UBAP1L: variants seen among roughly 807,000 people sequenced by gnomAD.
The protein encoded by UBAP1L is ubiquitin-associated protein 1-like.
In UBAP1L, 32 loss-of-function variants were observed where a neutral mutation model predicts 32.1. The observed-to-expected ratio is 1.00, with a 90% CI of 0.75 to 1.34. UBAP1L has a LOEUF of 1.34. Ranked by LOEUF, UBAP1L falls within the 40% of genes most tolerant of loss-of-function variation. The probability of loss-of-function intolerance (pLI) is 0.00; values close to 1 mark genes in which losing one functional copy is unlikely to be tolerated. For synonymous variants in UBAP1L, 243 were observed against 250.2 expected (o/e 0.97, Z 0.27); for missense variants, 516 against 540.5 (o/e 0.95, Z 0.45).
At chr15:65,109,862 T>G (rs1007286662) in intron 1 of UBAP1L, among the ~76,000 whole-genome samples, 1 of 152,198 alleles carries the variant, frequency 6.6e-6, no homozygotes, top group African/African-American at 2.4e-5. Flanking sequence ...TAACTCTCAT[T>G]CACTGTTGGT....
At chr15:65,099,860 C>G (rs1218199257) in intron 3 of UBAP1L, 146 bp from the exon 4 acceptor site, 1 of 661,554 alleles carries the variant, frequency 1.5e-6, no homozygotes, top group Non-Finnish European at 2.5e-6. Context: ...CCTGCAGACC[C>G]CAGCTCTCTA....
chr15:65,105,462 G>A, intron 2 of UBAP1L: 1 of 378,302 alleles, frequency 2.6e-6, no homozygotes, highest in Non-Finnish European at 5.0e-6. Context: ...TAGTCTGGGT[G>A]ACAGAGCGAG....
At chr15:65,104,318 G>A (rs1042086225) in intron 2 of UBAP1L, among the ~76,000 whole-genome samples, 1 of 150,612 alleles carries the variant, frequency 6.6e-6, no homozygotes, top group South Asian at 2.1e-4. Context: ...GAGAGAGAGA[G>A]AGAAAGAGAA....
At chr15:65,101,967 G>C in intron 3 of UBAP1L, 139 bp downstream of exon 3, 2 of 350,654 alleles carry the variant, frequency 5.7e-6, no homozygotes, top group Non-Finnish European at 5.0e-6. Context: ...ACACGGTACA[G>C]GCCCAGGTGG....
intron 1 of UBAP1L, among the ~76,000 whole-genome samples, chr15:65,108,553 T>G (rs565921482): frequency 2.0e-5 from 3 of 152,024 alleles, no homozygotes; most frequent in Admixed American, 2.0e-4. Flanking sequence ...GAGATGAGCA[T>G]GGGCAACAAA....
intron 1 of UBAP1L, among the ~76,000 whole-genome samples, chr15:65,110,083 G>A (rs960125059): frequency 2.6e-5 from 4 of 152,136 alleles, no homozygotes; most frequent in Non-Finnish European, 2.9e-5. Flanking sequence ...AAAATCGGCC[G>A]GGCGCGGTGG....
chr15:65,114,124 TC>T (rs2087387152), intron 1 of UBAP1L, among the ~76,000 whole-genome samples: 1 of 151,910 alleles, frequency 6.6e-6, no homozygotes, highest in African/African-American at 2.4e-5. Flanking sequence ...GACCTTGTGA[TC>T]CACCTGCCTT....
chr15:65,102,437 G>T lies in UBAP1L; in HGVS notation c.368C>A (p.Pro123Gln). Residue 123 changes from proline (P) to glutamine (Q), a missense_variant, in exon 3 of 6, where the codon CCG (proline) becomes CAG (glutamine). By Grantham distance (76) the Pro-to-Gln change is moderately conservative. Coordinates refer to ENST00000559089, the MANE Select transcript of UBAP1L (RefSeq NM_001163692.2). This position sits in a 1 kb window ranked among gnomAD's most constrained non-coding sequence, Gnocchi z 5.0. The stretch of plus-strand genomic sequence containing the variant: ...GCCCGGTTGGAGGCTGCTGGGGGCC[G>T]GCTCTTCCTCGCTGCCAGAGGAGGC... ...AEASSGSEEEPAPSSLQPGSP... is the reference protein window; with the variant it reads ...AEASSGSEEEQAPSSLQPGSP... 7.0e-7 allele frequency: 1 copy of T among 1,424,240 alleles called. No homozygotes were observed. Among genetic ancestry groups the T allele is most frequent in the Non-Finnish European group, 9.2e-7 (1 of 1,091,444 alleles). The allele number at this position is 1,424,240 out of a possible 1,614,324, so 88.2% of individuals were successfully genotyped here. A position where few individuals can be genotyped will look rare whatever the true frequency, so the allele number is the denominator to read the frequency against.
chr15:65,106,655 T>C (rs1278367648), intron 1 of UBAP1L, among the ~76,000 whole-genome samples: 5 of 151,296 alleles, frequency 3.3e-5, no homozygotes, highest in Middle Eastern at 3.2e-3. Context: ...TTTTTTTTTT[T>C]TCTGGGACGA....
rs1566964715 is a variant in UBAP1L, at chr15:65,094,596, A to C, written c.910-20T>G. 2 of 1,537,996 alleles carry C rather than the reference A, an allele frequency of 1.3e-6. No homozygotes were observed. Among genetic ancestry groups the C allele is most frequent in the Admixed American group, 2.0e-5 (1 of 50,956 alleles). On this transcript the variant is annotated intron_variant, in intron 4 of 5. Transcript: ENST00000559089. The surrounding 1 kb of genome is among the most constrained non-coding windows in gnomAD (Gnocchi z 4.2). ...GAGAAACTGGGCCGGAAGCGGGCAG[A>C]GAGGGAGGGAGGGTAAGAGGAGCAG...
chr15:65,115,030 T>G (rs952629775), intron 1 of UBAP1L, 120 bp downstream of exon 1: 1 of 152,250 alleles, frequency 6.6e-6, no homozygotes, highest in Non-Finnish European at 1.5e-5. Flanking sequence ...ACAAATTTAG[T>G]TGATAATGTC....
rs146281099 is a variant in UBAP1L, at chr15:65,110,404, G to A, written c.-173-4016C>T. On this transcript the variant is annotated intron_variant, in intron 1 of 5. Transcript: ENST00000559089. ...ACAAACAAAAAAAACTTGGCCGGGC[G>A]TGGTGGCTAATACCTCTAATCCCAG... Among the ~76,000 whole-genome samples the A allele has an allele frequency of 1.9e-3, 289 of 151,428 alleles. 1 individual carries two copies. Among genetic ancestry groups the A allele is most frequent in the African/African-American group, 6.1e-3 (253 of 41,218 alleles).
chr15:65,104,400 T>G (rs2087281944), intron 2 of UBAP1L, among the ~76,000 whole-genome samples: 1 of 151,528 alleles, frequency 6.6e-6, no homozygotes, highest in South Asian at 2.1e-4. Context: ...AAAACATAAA[T>G]AAGGAGAACT....
intron 1 of UBAP1L, among the ~76,000 whole-genome samples, chr15:65,113,727 G>A: frequency 6.6e-6 from 1 of 151,980 alleles, no homozygotes; most frequent in East Asian, 1.9e-4. Context: ...CAGCCTGGGC[G>A]ACAAAGCGAG....
rs1452834417 is a variant in UBAP1L, at chr15:65,102,144, C to T, written c.661G>A (p.Ala221Thr). 6 of 1,207,228 alleles carry T rather than the reference C, an allele frequency of 5.0e-6. No individual in the cohort carries two copies. The highest frequency in any genetic ancestry group is 6.2e-6 in the Non-Finnish European group (6 of 971,552). 74.8% of individuals were successfully genotyped at this position (1,207,228 alleles called of 1,614,324 possible). The change falls in exon 3 of 6, where the codon GCC becomes ACC. Residue 221 changes from alanine to threonine, a missense_variant. Transcript: ENST00000559089. This position sits in a 1 kb window ranked among gnomAD's most constrained non-coding sequence, Gnocchi z 5.0. ...TTGTGGCTCCGCAGCGGGGGGATGG[C>T]GCCTGCCGTGGAGGGCCGCGGGGGC... ...ASPPRPSTAG[A>T]IPPLRSHKPT... is the part of the protein sequence containing the mutation.
chr15:65,107,709 A>G (rs2140569085), intron 1 of UBAP1L, among the ~76,000 whole-genome samples: 1 of 145,354 alleles, frequency 6.9e-6, no homozygotes, highest in Admixed American at 7.3e-5. Context: ...ATTGCACTCC[A>G]GCCTGGGCAA....
chr15:65,114,585 C>T (rs1434394427), intron 1 of UBAP1L, among the ~76,000 whole-genome samples: 1 of 152,190 alleles, frequency 6.6e-6, no homozygotes, highest in East Asian at 1.9e-4. Flanking sequence ...CATTAAGCTT[C>T]TTCACTCTAA....
chr15:65,094,526 C>T lies in UBAP1L; in HGVS notation c.960G>A (p.Glu320=), dbSNP rs1427977695. 1 of 1,551,546 alleles carries T rather than the reference C, an allele frequency of 6.4e-7. No homozygotes were observed. The highest frequency in any genetic ancestry group is 2.0e-5 in the Admixed American group (1 of 50,996). ...CCATGGCCTCATCCACCAGGCCTTC[C>T]TCATATCCCTGACGTAACAGGCGGT... The part of the protein sequence containing the change: ...ACDRLLRQGY[E]EGLVDEAMEM... The change falls in exon 5 of 6, where the codon GAG becomes GAA. Residue 320 remains glutamate, a synonymous_variant. Coordinates refer to ENST00000559089, the MANE Select transcript of UBAP1L (RefSeq NM_001163692.2). The surrounding 1 kb of genome is among the most constrained non-coding windows in gnomAD (Gnocchi z 4.2).
chr15:65,099,725 G>A lies in UBAP1L; in HGVS notation c.700-11C>T. 2 of 1,538,824 alleles carry A rather than the reference G, an allele frequency of 1.3e-6. No homozygotes were observed. Among genetic ancestry groups the A allele is most frequent in the Non-Finnish European group, 1.8e-6 (2 of 1,138,830 alleles). On this transcript the variant is annotated splice_polypyrimidine_tract_variant and intron_variant, in intron 3 of 5. Coordinates refer to ENST00000559089, the MANE Select transcript of UBAP1L (RefSeq NM_001163692.2). ...GTACGGGCTGAGGGACTGAAATACA[G>A]ACAGACTGGACATGTCAGTTACTAC...
Sources: allele counts gnomAD v4.1 joint callset (sites outside exome capture counted in the v4.1 genomes callset), GRCh38; gene constraint gnomAD v4.1.1; non-coding constraint Gnocchi (gnomAD v3.1); transcripts MANE v1.5; gene names NCBI Gene and HGNC (gene_info 2026-07-23, HGNC 2026-07-21).